The following SPTBN1 variants were observed in gnomAD, a reference collection of about 807,000 sequenced individuals.
SPTBN1 encodes the protein spectrin beta, non-erythrocytic 1.
In SPTBN1, 32 loss-of-function variants were observed where a neutral mutation model predicts 266.4. That is an observed-to-expected ratio of 0.12 (90% CI 0.09 to 0.16). SPTBN1 has a LOEUF of 0.16. SPTBN1 is among the 10% of genes least tolerant of loss of function. The pLI, the probability that SPTBN1 is intolerant of heterozygous loss-of-function variation, is 1.00. For missense variants in SPTBN1, 2,296 were observed against 3,067.1 expected (o/e 0.75, Z 5.94); for synonymous variants, 1,336 against 1,162.2 (o/e 1.15, Z -3.04).
At chr2:54,614,135 C>A (rs1573531689) in intron 4 of SPTBN1, among the ~76,000 whole-genome samples, 1 of 152,182 alleles carries the variant, frequency 6.6e-6, no homozygotes, top group East Asian at 1.9e-4. Context: ...GCTGATGTTA[C>A]CGCGTGGCCT....
intron 1 of SPTBN1, among the ~76,000 whole-genome samples, chr2:54,503,677 C>T (rs1377067463): frequency 6.6e-6 from 1 of 152,200 alleles, no homozygotes; most frequent in African/African-American, 2.4e-5. Context: ...TCGAGTAACA[C>T]AGCAATATTA....
In SPTBN1 at chr2:54,653,913, C is replaced by A; in HGVS notation, c.5822+60C>A. Reference sequence around the variant, plus strand: ...TGGCGCTTGGTTAAAACACAGGAGTCTTCCAGAGAGAAGCAGGAGCCTTGA... The same window carrying A: ...TGGCGCTTGGTTAAAACACAGGAGTATTCCAGAGAGAAGCAGGAGCCTTGA... On this transcript the variant is annotated intron_variant, in intron 27 of 35. Transcript: ENST00000356805. The surrounding 1 kb of genome is among the most constrained non-coding windows in gnomAD (Gnocchi z 5.1). The A allele has an allele frequency of 6.3e-7, 1 of 1,578,660 alleles. No homozygotes were observed. Among genetic ancestry groups the A allele is most frequent in the Non-Finnish European group, 8.5e-7 (1 of 1,169,810 alleles).
intron 32 of SPTBN1, chr2:54,661,885 C>T (rs1572778957): frequency 1.0e-6 from 1 of 985,254 alleles, no homozygotes; most frequent in African/African-American, 1.7e-5. Context: ...GCTATCATGC[C>T]TATTTTTATC....
intron 2 of SPTBN1, among the ~76,000 whole-genome samples, chr2:54,593,823 C>CG (rs1675849503): frequency 1.5e-5 from 1 of 64,782 alleles, no homozygotes; most frequent in Non-Finnish European, 2.7e-5. Context: ...CATGGAAACA[C>CG]TTTTTTTTTT....
intron 9 of SPTBN1, 98 bp downstream of exon 9, chr2:54,622,585 C>T: frequency 1.4e-6 from 2 of 1,393,014 alleles, no homozygotes; most frequent in Middle Eastern, 3.7e-4. Context: ...CATCTCTTAA[C>T]TGAATGCCTT....
intron 2 of SPTBN1, among the ~76,000 whole-genome samples, chr2:54,594,070 A>G (rs1455578774): frequency 1.3e-5 from 2 of 151,976 alleles, no homozygotes; most frequent in Admixed American, 6.6e-5. Flanking sequence ...TGACCTCATG[A>G]TCCGCCCACC....
chr2:54,632,543 A>G, intron 16 of SPTBN1, 23 bp from the exon 17 acceptor site: 1 of 1,612,496 alleles, frequency 6.2e-7, no homozygotes, highest in Non-Finnish European at 8.5e-7. Context: ...ATCTGCTATG[A>G]TTTGTTCCTC....
chr2:54,518,503 G>C (rs1176912078), intron 1 of SPTBN1, among the ~76,000 whole-genome samples: 1 of 150,012 alleles, frequency 6.7e-6, no homozygotes, highest in African/African-American at 2.5e-5. Context: ...CTCCTTTTTG[G>C]CAACTGAACA....
intron 1 of SPTBN1, among the ~76,000 whole-genome samples, chr2:54,485,156 C>CCCTCTCCCTCTCCCTCCGTCTG (rs1409715222): frequency 2.6e-5 from 4 of 151,936 alleles, no homozygotes; most frequent in Admixed American, 2.6e-4. Context: ...CTCTCCCTCT[C>CCCTCTCCCTCTCCCTCCGTCTG]CCTCTCCCTC....
intron 1 of SPTBN1, among the ~76,000 whole-genome samples, chr2:54,489,151 TAAAAAAA>T (rs66488966): frequency 7.8e-5 from 9 of 116,110 alleles, no homozygotes; most frequent in African/African-American, 2.8e-4. Context: ...GGTCTGTATT[TAAAAAAA>T]AAAAAAAAAA....
rs552732465 is a variant in SPTBN1 at position 54,485,603 on chromosome 2, C to A, written c.-48+29085C>A. Among the ~76,000 whole-genome samples the A allele has an allele frequency of 1.1e-3, 164 of 152,304 alleles. No individual in the cohort carries two copies. In the East Asian group the frequency reaches 0.013, roughly 12 times the overall value. ...AAGTGCCGAGATTGCAGCCTCTGCC[C>A]GGCCGCCACCCCATCTGGGAAGCGA... On this transcript the variant is annotated intron_variant, in intron 1 of 35. Transcript: ENST00000356805.
chr2:54,660,287 T>C (rs1323697455), intron 32 of SPTBN1: 2 of 1,288,380 alleles, frequency 1.6e-6, no homozygotes, highest in Non-Finnish European at 2.0e-6. Flanking sequence ...TTATTTTTTG[T>C]TTATTTATTG....
chr2:54,636,291 G>A (rs117370150), intron 17 of SPTBN1, among the ~76,000 whole-genome samples: 1 of 152,054 alleles, frequency 6.6e-6, no homozygotes, highest in Non-Finnish European at 1.5e-5. Flanking sequence ...GGCATTATTT[G>A]TGTCTAACAT....
chr2:54,608,639 C>G (rs1277850786), intron 3 of SPTBN1, among the ~76,000 whole-genome samples: 1 of 151,896 alleles, frequency 6.6e-6, no homozygotes, highest in African/African-American at 2.4e-5. Flanking sequence ...AGGGCATGAG[C>G]TTGGTGTTGG....
At chr2:54,499,396 C>A (rs750854995) in intron 1 of SPTBN1, among the ~76,000 whole-genome samples, 84 of 152,282 alleles carry the variant, frequency 5.5e-4, no homozygotes, top group Non-Finnish European at 7.5e-4. Context: ...TCAGCCCCAA[C>A]ATTCATGTAG....
At chr2:54,631,756 C>T (rs1159366182) in intron 16 of SPTBN1, 145 bp downstream of exon 16, 8 of 1,097,350 alleles carry the variant, frequency 7.3e-6, no homozygotes, top group Admixed American at 5.6e-5. Context: ...TTTCCCCATA[C>T]TCTTAAGGCA....
intron 1 of SPTBN1, among the ~76,000 whole-genome samples, chr2:54,508,449 G>A (rs1199335632): frequency 2.6e-5 from 4 of 152,220 alleles, no homozygotes; most frequent in Non-Finnish European, 5.9e-5. Context: ...ATAGCAGATG[G>A]AACACTGAAA....
intron 1 of SPTBN1, among the ~76,000 whole-genome samples, chr2:54,510,963 A>C (rs1403877535): frequency 6.6e-6 from 1 of 152,236 alleles, no homozygotes; most frequent in Non-Finnish European, 1.5e-5. Flanking sequence ...AAGCCCATGC[A>C]GCTTTGGACA....
At chr2:54,622,586 T>A (rs1231911528) in intron 9 of SPTBN1, 99 bp downstream of exon 9, 1 of 1,382,786 alleles carries the variant, frequency 7.2e-7, no homozygotes, top group Non-Finnish European at 1.0e-6. Flanking sequence ...ATCTCTTAAC[T>A]GAATGCCTTT....
Sources: gnomAD v4.1 joint callset for allele counts (sites outside exome capture counted in the v4.1 genomes callset) on GRCh38, gnomAD v4.1.1 for gene constraint, Gnocchi (gnomAD v3.1) non-coding constraint, MANE v1.5 for transcripts, NCBI Gene and HGNC (gene_info 2026-07-23, HGNC 2026-07-21) for gene names.